Variants in TUSC3 observed in about 807,000 individuals in gnomAD.
TUSC3 encodes the protein dolichyl-diphosphooligosaccharide--protein glycosyltransferase subunit TUSC3.
TUSC3 carries 45 observed loss-of-function variants against 44.8 expected under a neutral mutation model. The ratio of observed to expected loss-of-function variants is 1.00; its 90% CI spans 0.79 to 1.29. The LOEUF is 1.29. Among genes scored for constraint, TUSC3 ranks in the 50% most tolerant of loss-of-function variants. TUSC3 has a pLI of 0.00. For synonymous variants in TUSC3, 212 were observed against 152.9 expected (o/e 1.39, Z -2.85); for missense variants, 519 against 437.9 (o/e 1.19, Z -1.65).
At chr8:15,761,494 C>T (rs1039831610) in intron 10 of TUSC3, among the ~76,000 whole-genome samples, 1 of 152,222 alleles carries the variant, frequency 6.6e-6, no homozygotes, top group African/African-American at 2.4e-5. Context: ...CGATTTGCTA[C>T]TCTTGCCAAT....
intron 7 of TUSC3, among the ~76,000 whole-genome samples, chr8:15,731,420 CTAA>C (rs1186112989): frequency 6.6e-6 from 1 of 152,086 alleles, no homozygotes; most frequent in Non-Finnish European, 1.5e-5. Flanking sequence ...AATTTGATTA[CTAA>C]TATCCTGGTT....
In TUSC3 at chr8:15,712,603, A is replaced by G. The variant is rs1237685280; in HGVS notation, c.799-18063A>G. On this transcript the variant is annotated intron_variant, in intron 6 of 10. Transcript: ENST00000503731. Reference sequence around the variant, plus strand: ...AGGACACTAAGATTTCCTTCTCTAGAATCTCAGTCCTCTTTCTTTTCAACC... The same window carrying G: ...AGGACACTAAGATTTCCTTCTCTAGGATCTCAGTCCTCTTTCTTTTCAACC... Among the ~76,000 whole-genome samples, 3 of 152,040 alleles carry G rather than the reference A, an allele frequency of 2.0e-5. No homozygotes were observed. The East Asian group carries it at 5.8e-4, about 29-fold the overall frequency.
chr8:15,523,956 T>G (rs1027995922), intron 2 of TUSC3, among the ~76,000 whole-genome samples: 5 of 150,322 alleles, frequency 3.3e-5, no homozygotes, highest in African/African-American at 1.2e-4. Flanking sequence ...CTCGGGAGGC[T>G]GAGGCAGGAG....
intron 1 of TUSC3, among the ~76,000 whole-genome samples, chr8:15,603,086 A>G (rs1804359628): frequency 6.6e-6 from 1 of 151,594 alleles, no homozygotes; most frequent in South Asian, 2.1e-4. Flanking sequence ...TTGATATGTC[A>G]AGTCCTAGAC....
At chr8:15,429,894 A>G (rs1214810394) in intron 1 of TUSC3, among the ~76,000 whole-genome samples, 1 of 151,718 alleles carries the variant, frequency 6.6e-6, no homozygotes, top group East Asian at 1.9e-4. Flanking sequence ...AAATGGATAA[A>G]TTCCTGGACA....
the TUSC3 span, among the ~76,000 whole-genome samples, chr8:15,798,648 G>GT: frequency 2.2e-5 from 3 of 135,350 alleles, no homozygotes; most frequent in African/African-American, 6.2e-5. Flanking sequence ...TCCTGGGTGT[G>GT]TGGGGGGGGT....
chr8:15,481,715 T>G (rs1305487412), intron 1 of TUSC3, among the ~76,000 whole-genome samples: 2 of 152,204 alleles, frequency 1.3e-5, no homozygotes, highest in Non-Finnish European at 2.9e-5. Context: ...TGTACATACC[T>G]TAATTTTAAA....
rs567741121 is a variant in TUSC3 at position 15,665,440 on chromosome 8, C to T, written c.708+3144C>T. ...TATTTAGTGTTGTGAACACTTAGTC[C>T]TGGGTAGACTGTATTTTAAGGCTCA... On this transcript the variant is annotated intron_variant, in intron 5 of 10. Transcript: ENST00000503731. 7.3e-5 allele frequency among the ~76,000 whole-genome samples: 11 copies of T among 151,324 alleles called. No individual in the cohort carries two copies. The South Asian group carries it at 2.3e-3, about 31-fold the overall frequency.
rs564760535 is a variant in TUSC3 at position 15,756,577 on chromosome 8, C to G, written c.1029-1214C>G. Among the ~76,000 whole-genome samples the G allele has an allele frequency of 4.9e-4, 74 of 151,972 alleles. No homozygotes were observed. In the South Asian group the frequency reaches 0.015, roughly 32 times the overall value. On this transcript the variant is annotated intron_variant, in intron 9 of 10. Transcript: ENST00000503731. ...AGGTATTTGTGTCTTTGATAAAAAC[C>G]TTTTATATATCTCCAAAGTGCTAAG...
the TUSC3 span, among the ~76,000 whole-genome samples, chr8:15,828,327 T>G: frequency 3.8e-4 from 58 of 152,362 alleles, no homozygotes; most frequent in African/African-American, 1.4e-3. Context: ...GTTTGTAGAT[T>G]GGTTTTATAA....
At chr8:15,583,451 A>G (rs1781070074) in intron 1 of TUSC3, among the ~76,000 whole-genome samples, 1 of 152,206 alleles carries the variant, frequency 6.6e-6, no homozygotes, top group Non-Finnish European at 1.5e-5. Context: ...TGCCAAGTTT[A>G]GCTTGGAAAA....
chr8:15,737,032 T>C lies in TUSC3; in HGVS notation c.862+6303T>C, dbSNP rs1810965953. Among the ~76,000 whole-genome samples the C allele has an allele frequency of 2.0e-5, 3 of 152,170 alleles. 1 individual carries two copies. In the South Asian group the frequency reaches 6.2e-4, roughly 31 times the overall value. On this transcript the variant is annotated intron_variant, in intron 7 of 10. Transcript: ENST00000503731. ...ACTAGCAATTTAAAATTTTTATTCT[T>C]ATAAAGATAACATTGCATTTTCTGT...
chr8:15,825,429 T>G, the TUSC3 span, among the ~76,000 whole-genome samples: 1 of 152,140 alleles, frequency 6.6e-6, no homozygotes, highest in Non-Finnish European at 1.5e-5. Flanking sequence ...TTTGTGAGAC[T>G]TATTCATTGT....
At chr8:15,774,813 A>T in the TUSC3 span, among the ~76,000 whole-genome samples, 1 of 150,108 alleles carries the variant, frequency 6.7e-6, no homozygotes, top group South Asian at 2.1e-4. Flanking sequence ...ATCAGAATGT[A>T]TTTTTTTTTT....
intron 1 of TUSC3, among the ~76,000 whole-genome samples, chr8:15,441,640 C>T (rs1278116168): frequency 6.6e-6 from 1 of 152,132 alleles, no homozygotes; most frequent in African/African-American, 2.4e-5. Context: ...GGACATTTCT[C>T]ATTCCTTAAT....
chr8:15,530,921 T>A (rs1307396330), intron 2 of TUSC3, among the ~76,000 whole-genome samples: 1 of 152,188 alleles, frequency 6.6e-6, no homozygotes, highest in Non-Finnish European at 1.5e-5. Flanking sequence ...TTAATCTTCT[T>A]GGCATGTGAT....
intron 1 of TUSC3, among the ~76,000 whole-genome samples, chr8:15,593,730 A>C (rs1803950683): frequency 6.6e-6 from 1 of 151,794 alleles, no homozygotes; most frequent in Admixed American, 6.6e-5. Flanking sequence ...TATTTTGCTA[A>C]TTTTCAGTTT....
chr8:15,530,382 A>C (rs375783980), intron 2 of TUSC3, among the ~76,000 whole-genome samples: 16 of 152,294 alleles, frequency 1.1e-4, no homozygotes, highest in African/African-American at 3.4e-4. Flanking sequence ...TTTCTAGAAA[A>C]GCTACTATCA....
chr8:15,484,578 G>A (rs909204427), intron 2 of TUSC3, among the ~76,000 whole-genome samples: 11 of 152,206 alleles, frequency 7.2e-5, no homozygotes, highest in African/African-American at 2.7e-4. Context: ...CCGGTGTAGG[G>A]CATAGATAAA....
Sources: allele counts gnomAD v4.1 joint callset (sites outside exome capture counted in the v4.1 genomes callset), GRCh38; gene constraint gnomAD v4.1.1; transcripts MANE v1.5; gene names NCBI Gene and HGNC (gene_info 2026-07-23, HGNC 2026-07-21).